The following XRCC1 variants were observed in gnomAD, a reference collection of about 807,000 sequenced individuals.
XRCC1 encodes the protein X-ray repair cross complementing 1.
In XRCC1, 52 loss-of-function variants were observed where a neutral mutation model predicts 83.3. The observed-to-expected ratio is 0.62, with a 90% CI of 0.50 to 0.79. XRCC1 has a LOEUF of 0.79. Ranked by LOEUF, XRCC1 falls within the 30% of genes least tolerant of loss-of-function variation. The probability of loss-of-function intolerance (pLI) is 0.00; values close to 1 mark genes in which losing one functional copy is unlikely to be tolerated. For synonymous variants in XRCC1, 281 were observed against 312.6 expected (o/e 0.90, Z 1.07); for missense variants, 793 against 823.5 (o/e 0.96, Z 0.45).
chr19:43,552,035 C>G lies in XRCC1; in HGVS notation c.1064G>C (p.Arg355Pro), dbSNP rs529272499. The change falls in exon 9 of 17, where the codon CGG (arginine) becomes CCG (proline). Residue 355 changes from arginine to proline, a missense_variant. Physicochemically the swap from Arg to Pro is moderately radical, Grantham distance 103. Transcript: ENST00000262887. Reference protein sequence around the residue: ...LGAKYRPDWTRDSTHLICAFA... With the variant: ...LGAKYRPDWTPDSTHLICAFA... ...AGCCTACATGAGGTGCGTGCTGTCC[C>G]GGGTCCAGTCTGGCCGATACTTGGC... The G allele has an allele frequency of 1.9e-6, 3 of 1,613,902 alleles. No individual in the cohort carries two copies. Among genetic ancestry groups the G allele is most frequent in the African/African-American group, 2.7e-5 (2 of 74,902 alleles).
intron 15 of XRCC1, 30 bp downstream of exon 15, chr19:43,544,114 C>T (rs996422131): frequency 1.3e-6 from 2 of 1,575,162 alleles, no homozygotes; most frequent in East Asian, 4.5e-5. Context: ...ATCCATCACC[C>T]CTTCCCCACC....
chr19:43,559,963 C>T (rs924075412), intron 3 of XRCC1, among the ~76,000 whole-genome samples: 15 of 151,786 alleles, frequency 9.9e-5, no homozygotes, highest in Non-Finnish European at 1.6e-4. Flanking sequence ...CACCTGTAGC[C>T]CTGGCTACTT....
At chr19:43,564,799 A>AC (rs1972736156) in intron 2 of XRCC1, among the ~76,000 whole-genome samples, 1 of 151,626 alleles carries the variant, frequency 6.6e-6, no homozygotes, top group South Asian at 2.1e-4. Flanking sequence ...AAAAAAACAA[A>AC]AAAAAAACAC....
chr19:43,566,309 G>C (rs1332272478), intron 2 of XRCC1, among the ~76,000 whole-genome samples: 1 of 151,506 alleles, frequency 6.6e-6, no homozygotes, highest in Non-Finnish European at 1.5e-5. Context: ...GAGGTTGGCA[G>C]ATCACAAGGT....
At position 43,552,979 on chromosome 19, in the gene XRCC1, C is replaced by A. The variant is rs2146051483; in HGVS notation, c.711+3G>T. 1 of 1,605,366 alleles carries A rather than the reference C, an allele frequency of 6.2e-7. No individual in the cohort carries two copies. ...CCACCCCACCAAAGTCTGATGATTT[C>A]ACCTTGGAGGTGCTGCCTATGGCCC... On this transcript the variant is annotated splice_donor_region_variant and intron_variant, in intron 7 of 16. Transcript: ENST00000262887.
chr19:43,543,598 T>C lies in XRCC1; in HGVS notation c.1788+14A>G. 1 of 1,613,976 alleles carries C rather than the reference T, an allele frequency of 6.2e-7. No individual in the cohort carries two copies. Among genetic ancestry groups the C allele is most frequent in the Non-Finnish European group, 8.5e-7 (1 of 1,180,002 alleles). The stretch of plus-strand genomic sequence containing the variant: ...GTGCCCGGGTCTCCCATTCTCTGCC[T>C]CTTTGGTACTCACCTCCTCAAAGCT... On this transcript the variant is annotated intron_variant, in intron 16 of 16. Coordinates refer to ENST00000262887, the MANE Select transcript of XRCC1 (RefSeq NM_006297.3).
rs761564262 is a variant in XRCC1, at chr19:43,546,884, C to G, written c.1293G>C (p.Lys431Asn). Residue 431 changes from lysine (K) to asparagine (N), a missense_variant and splice_region_variant, in exon 11 of 17, where the codon AAG (lysine) becomes AAC (asparagine). Transcript: ENST00000262887. ...CCCCACTGGACAGGGGGCATCAGAC[C>G]TTCTGAGGAAGCTTGGGGGCTTCAT... ...SGDEAPKLPQKQPQTKTKPTQ... is the reference protein window; with the variant it reads ...SGDEAPKLPQNQPQTKTKPTQ... 1.4e-5 allele frequency: 22 copies of G among 1,613,892 alleles called. 1 individual carries two copies. The South Asian group carries it at 2.4e-4, about 18-fold the overall frequency.
intron 2 of XRCC1, among the ~76,000 whole-genome samples, chr19:43,566,671 G>A (rs1052409220): frequency 6.6e-6 from 1 of 151,740 alleles, no homozygotes; most frequent in Non-Finnish European, 1.5e-5. Context: ...TTGAGCCCAG[G>A]AGTTCAAGAC....
In XRCC1 at chr19:43,543,612, C is replaced by G. The variant is rs757167693; in HGVS notation, c.1788G>C (p.Glu596Asp). 1 of 1,613,804 alleles carries G rather than the reference C, an allele frequency of 6.2e-7. No homozygotes were observed. The highest frequency in any genetic ancestry group is 1.3e-5 in the African/African-American group (1 of 74,806). Reference sequence around the variant, plus strand: ...CATTCTCTGCCTCTTTGGTACTCACCTCCTCAAAGCTGGGATCCCATTCCT... The same window carrying G: ...CATTCTCTGCCTCTTTGGTACTCACGTCCTCAAAGCTGGGATCCCATTCCT... ...TAQEWDPSFE[E>D]ALMDNPSLAF... Residue 596 changes from glutamate (E) to aspartate (D), a missense_variant and splice_region_variant, in exon 16 of 17, where the codon GAG (glutamate) becomes GAC (aspartate). Transcript: ENST00000262887.
rs562926147 is a variant in XRCC1 at position 43,553,026 on chromosome 19, A to T, written c.667T>A (p.Ser223Thr). 6.2e-7 allele frequency: 1 copy of T among 1,601,048 alleles called. No homozygotes were observed. Among genetic ancestry groups the T allele is most frequent in the Admixed American group, 1.7e-5 (1 of 57,206 alleles). Reference protein sequence around the residue: ...AATLQASSAASSASPVSRAIG... With the variant: ...AATLQASSAATSASPVSRAIG... ...GCCCTGGAGACTGGAGAGGCTGAGG[A>T]GGCAGCACTAGAAGCCTGGAGGGTA... Residue 223 changes from serine (S) to threonine (T), a missense_variant, in exon 7 of 17, where the codon TCC (serine) becomes ACC (threonine). Transcript: ENST00000262887.
chr19:43,569,599 A>C (rs938877718), intron 2 of XRCC1, among the ~76,000 whole-genome samples: 12 of 152,132 alleles, frequency 7.9e-5, no homozygotes, highest in African/African-American at 2.9e-4. Context: ...CCTGACCAAC[A>C]TGGTGAAAAC....
Position 43,552,928 on chromosome 19 carries a change from T to C in XRCC1, c.712-20A>G, listed in dbSNP as rs1028375521. The C allele has an allele frequency of 1.9e-6, 3 of 1,612,240 alleles. No homozygotes were observed. The highest frequency in any genetic ancestry group is 2.2e-5 in the South Asian group (2 of 90,772). On this transcript the variant is annotated intron_variant, in intron 7 of 16. Coordinates refer to ENST00000262887, the MANE Select transcript of XRCC1 (RefSeq NM_006297.3). Reference sequence around the variant, plus strand: ...CTGGGGCTGAGGGGATGGGGATGGATTGAGGCCTCCAGCTTCTCTCCTCCT... The same window carrying C: ...CTGGGGCTGAGGGGATGGGGATGGACTGAGGCCTCCAGCTTCTCTCCTCCT...
In XRCC1 at chr19:43,543,702, GAA is replaced by G. The variant is rs758810336; in HGVS notation, c.1713-17_1713-16del. ...CCTCGAGCTCCCTGGCGGGAGAGAA[GAA>G]AAGAGGTAGAAGGCACATCAGGGAA... On this transcript the variant is annotated splice_polypyrimidine_tract_variant and intron_variant, in intron 15 of 16. Coordinates refer to ENST00000262887, the MANE Select transcript of XRCC1 (RefSeq NM_006297.3). 26 of 1,613,236 alleles carry G rather than the reference GAA, an allele frequency of 1.6e-5. No individual in the cohort carries two copies. In the African/African-American group the frequency reaches 3.2e-4, roughly 20 times the overall value.
intron 3 of XRCC1, among the ~76,000 whole-genome samples, chr19:43,559,437 G>A (rs1273894872): frequency 3.9e-5 from 5 of 129,334 alleles, no homozygotes; most frequent in African/African-American, 9.0e-5. Flanking sequence ...CCGAGATCGC[G>A]CCACTGCACT....
chr19:43,548,784 A>AAAAAAAAAAAAAAAAAAAAAAAAAC (rs752610644), intron 10 of XRCC1, among the ~76,000 whole-genome samples: 10 of 142,184 alleles, frequency 7.0e-5, no homozygotes, highest in African/African-American at 1.6e-4. Flanking sequence ...AAAAAAAAAA[A>AAAAAAAAAAAAAAAAAAAAAAAAAC]AACACAACAG....
intron 14 of XRCC1, among the ~76,000 whole-genome samples, chr19:43,545,162 G>A (rs778513637): frequency 1.3e-5 from 2 of 152,046 alleles, no homozygotes; most frequent in African/African-American, 2.4e-5. Context: ...CATCACCCAC[G>A]AGGAACTGGG....
chr19:43,560,913 A>G lies in XRCC1; in HGVS notation c.252T>C (p.Tyr84=). Residue 84 remains tyrosine, a synonymous_variant, in exon 3 of 17, where the codon TAT becomes TAC. Coordinates refer to ENST00000262887, the MANE Select transcript of XRCC1 (RefSeq NM_006297.3). ...TCCATCTCATAGCCCTGCTTACCTC[A>G]TAGTCTTGCTCCCCAGCGCCTCCAG... ...SSAGGAGEQD[Y]EVLLVTSSFM... is the part of the protein sequence containing the mutation. 1 of 1,613,684 alleles carries G rather than the reference A, an allele frequency of 6.2e-7. No individual in the cohort carries two copies. Among genetic ancestry groups the G allele is most frequent in the Non-Finnish European group, 8.5e-7 (1 of 1,179,578 alleles).
intron 2 of XRCC1, among the ~76,000 whole-genome samples, chr19:43,566,878 CA>C (rs76309782): frequency 4.7e-4 from 46 of 98,704 alleles, no homozygotes; most frequent in East Asian, 5.6e-4. Flanking sequence ...GACTCAATCT[CA>C]AAAAAAAAAA....
chr19:43,550,231 T>C (rs1452073438), intron 10 of XRCC1, among the ~76,000 whole-genome samples: 1 of 151,778 alleles, frequency 6.6e-6, no homozygotes, highest in African/African-American at 2.4e-5. Flanking sequence ...GAGCACCCCA[T>C]GATCAAACCC....
Sources: gnomAD v4.1 joint callset for allele counts (sites outside exome capture counted in the v4.1 genomes callset) on GRCh38, gnomAD v4.1.1 for gene constraint, MANE v1.5 for transcripts, NCBI Gene and HGNC (gene_info 2026-07-23, HGNC 2026-07-21) for gene names.